TMEM132D: variants seen among roughly 807,000 people sequenced by gnomAD.
TMEM132D encodes the protein transmembrane protein 132D.
Under a neutral mutation model 62.3 loss-of-function variants are expected in TMEM132D, and 21 were observed. That is an observed-to-expected ratio of 0.34 (90% CI 0.24 to 0.49). TMEM132D has a LOEUF of 0.49. Among genes scored for constraint, TMEM132D ranks in the 20% least tolerant of loss-of-function variants. The pLI is 0.99. For synonymous variants in TMEM132D, 621 were observed against 575.6 expected, an observed-to-expected ratio of 1.08 and a Z score of -1.13; for missense variants, 1,346 against 1,402.8, an observed-to-expected ratio of 0.96 and a Z score of 0.65.
chr12:129,652,571 C>A (rs1485495294), intron 2 of TMEM132D, among the ~76,000 whole-genome samples: 2 of 152,174 alleles, frequency 1.3e-5, no homozygotes, highest in Non-Finnish European at 2.9e-5. Context: ...TTTGAAGATG[C>A]CACCCTGCTG....
chr12:129,112,152 T>TTGC (rs1256684527), intron 5 of TMEM132D, among the ~76,000 whole-genome samples: 1 of 152,086 alleles, frequency 6.6e-6, no homozygotes, highest in Non-Finnish European at 1.5e-5. Flanking sequence ...TCAGCCAGAG[T>TTGC]TGCTCTCTGT....
intron 4 of TMEM132D, among the ~76,000 whole-genome samples, chr12:129,251,028 C>T (rs1443336285): frequency 1.3e-5 from 2 of 152,072 alleles, no homozygotes; most frequent in Non-Finnish European, 2.9e-5. Context: ...GCAGCAATCA[C>T]CATGCATGCT....
At chr12:129,340,706 A>G (rs1424643546) in intron 3 of TMEM132D, among the ~76,000 whole-genome samples, 1 of 152,168 alleles carries the variant, frequency 6.6e-6, no homozygotes, top group Non-Finnish European at 1.5e-5. Context: ...CCAGTCTATC[A>G]TTGTTGGACA....
intron 2 of TMEM132D, among the ~76,000 whole-genome samples, chr12:129,546,308 TTTGA>T (rs1429910761): frequency 5.3e-5 from 8 of 152,218 alleles, no homozygotes; most frequent in Non-Finnish European, 1.2e-4. Context: ...AAATAACAAC[TTTGA>T]TTCATTCCTG....
intron 2 of TMEM132D, among the ~76,000 whole-genome samples, chr12:129,623,676 CATAT>C (rs915237119): frequency 7.4e-6 from 1 of 135,462 alleles, no homozygotes; most frequent in African/African-American, 3.0e-5. Context: ...TATATATACA[CATAT>C]ATATACATAT....
At chr12:129,815,094 A>T (rs1872306194) in intron 1 of TMEM132D, among the ~76,000 whole-genome samples, 2 of 152,350 alleles carry the variant, frequency 1.3e-5, no homozygotes, top group South Asian at 2.1e-4. Flanking sequence ...TGCTTAATGA[A>T]TATTTGTCGT....
intron 4 of TMEM132D, among the ~76,000 whole-genome samples, chr12:129,282,041 C>T (rs1248360395): frequency 6.6e-6 from 1 of 152,110 alleles, no homozygotes; most frequent in African/African-American, 2.4e-5. Context: ...TAGGTTTCTC[C>T]TAAGAATACT....
At chr12:129,305,709 T>C (rs1400964497) in intron 4 of TMEM132D, among the ~76,000 whole-genome samples, 2 of 152,216 alleles carry the variant, frequency 1.3e-5, no homozygotes, top group African/African-American at 4.8e-5. Context: ...TTAATCTCTC[T>C]GAACCTCAGT....
chr12:129,106,309 T>C (rs1875496935), intron 5 of TMEM132D, among the ~76,000 whole-genome samples: 1 of 150,396 alleles, frequency 6.6e-6, no homozygotes. Flanking sequence ...GAGATATACC[T>C]AATGCTAGAT....
At chr12:129,792,507 A>G in intron 1 of TMEM132D, among the ~76,000 whole-genome samples, 1 of 152,222 alleles carries the variant, frequency 6.6e-6, no homozygotes, top group East Asian at 1.9e-4. Context: ...ATCGTCCGGT[A>G]CATATTTACC....
intron 5 of TMEM132D, among the ~76,000 whole-genome samples, chr12:129,174,373 C>T (rs1877838285): frequency 6.6e-6 from 1 of 152,142 alleles, no homozygotes; most frequent in Admixed American, 6.6e-5. Flanking sequence ...ATGATGGTTT[C>T]CAGCTTCATC....
intron 5 of TMEM132D, among the ~76,000 whole-genome samples, chr12:129,177,919 C>G (rs1051852394): frequency 6.6e-6 from 1 of 152,148 alleles, no homozygotes; most frequent in African/African-American, 2.4e-5. Context: ...TGCTCTGCCT[C>G]CTCCCTCTGC....
In TMEM132D at chr12:129,285,539, A is replaced by AAAAAAAAAAAAAG. The variant is rs56018646; in HGVS notation, c.1299+52094_1299+52095insCTTTTTTTTTTTT. ...GAGACTGTGTCTCAAAAAAAAAAAA[A>AAAAAAAAAAAAAG]AGAGAGAGAGAGAGAGGCTCCCATT... On this transcript the variant is annotated intron_variant, in intron 4 of 8. Coordinates refer to ENST00000422113, the MANE Select transcript of TMEM132D (RefSeq NM_133448.3). Among the ~76,000 whole-genome samples, 80 of 90,058 alleles carry AAAAAAAAAAAAAG rather than the reference A, an allele frequency of 8.9e-4. 5 individuals are homozygous for AAAAAAAAAAAAAG. Among genetic ancestry groups the AAAAAAAAAAAAAG allele is most frequent in the South Asian group, 2.9e-3 (6 of 2,078 alleles). The allele number at this position is 90,058 out of a possible 152,430, so 59.1% of individuals were successfully genotyped here.
chr12:129,157,960 T>G (rs56174941), intron 5 of TMEM132D, among the ~76,000 whole-genome samples: 3 of 152,008 alleles, frequency 2.0e-5, no homozygotes, highest in Non-Finnish European at 4.4e-5. Flanking sequence ...GATGGAGAGA[T>G]AGAATTTGTC....
intron 8 of TMEM132D, among the ~76,000 whole-genome samples, chr12:129,077,921 A>G (rs1260079056): frequency 6.6e-6 from 1 of 152,166 alleles, no homozygotes; most frequent in East Asian, 1.9e-4. Flanking sequence ...ACATAGACAC[A>G]CAACACACAT....
intron 2 of TMEM132D, among the ~76,000 whole-genome samples, chr12:129,661,767 C>A (rs955216275): frequency 6.6e-6 from 1 of 152,136 alleles, no homozygotes; most frequent in Non-Finnish European, 1.5e-5. Context: ...ATAAAGATGT[C>A]TTTGACATTT....
chr12:129,297,046 C>G lies in TMEM132D; in HGVS notation c.1299+40588G>C, dbSNP rs151194099. Among the ~76,000 whole-genome samples, 65 of 152,306 alleles carry G rather than the reference C, an allele frequency of 4.3e-4. 1 individual carries two copies. The East Asian group carries it at 0.012, about 27-fold the overall frequency. ...CTGCCTCTGGGTAAAATGTATGTGC[C>G]TGTCCAGAGAAAGTTTCCTGTTTCA... On this transcript the variant is annotated intron_variant, in intron 4 of 8. Transcript: ENST00000422113.
At chr12:129,682,303 G>A (rs991485918) in intron 2 of TMEM132D, among the ~76,000 whole-genome samples, 10 of 152,266 alleles carry the variant, frequency 6.6e-5, no homozygotes, top group African/African-American at 2.4e-4. Flanking sequence ...ACCTTACTCT[G>A]TTTATACTCC....
Position 129,368,642 on chromosome 12 carries a change from C to T in TMEM132D, c.1116-30825G>A, listed in dbSNP as rs143268291. ...CCATAAGTTCTGGGTCCTCCATTGA[C>T]GAGCATTCAGTGACTACCTGATTCG... On this transcript the variant is annotated intron_variant, in intron 3 of 8. Coordinates refer to ENST00000422113, the MANE Select transcript of TMEM132D (RefSeq NM_133448.3). Among the ~76,000 whole-genome samples the T allele has an allele frequency of 4.6e-3, 707 of 152,090 alleles. 5 individuals carry two copies. The highest frequency in any genetic ancestry group is 0.016 in the African/African-American group (664 of 41,482).
Sources: allele counts gnomAD v4.1 joint callset (sites outside exome capture counted in the v4.1 genomes callset), GRCh38; gene constraint gnomAD v4.1.1; transcripts MANE v1.5; gene names NCBI Gene and HGNC (gene_info 2026-07-23, HGNC 2026-07-21).